Variants in ASAP2 observed in about 807,000 individuals in gnomAD.
The protein encoded by ASAP2 is ArfGAP with SH3 domain, ankyrin repeat and PH domain 2, also known as arf-GAP with SH3 domain, ANK repeat and PH domain-containing protein 2.
A neutral mutation model predicts 131.4 loss-of-function variants in ASAP2; 45 were observed. The observed-to-expected ratio is 0.34, with a 90% CI of 0.27 to 0.44. The LOEUF (loss-of-function observed/expected upper bound fraction) is 0.44, where lower values mean the gene tolerates loss of function less well. ASAP2 is among the 20% of genes least tolerant of loss of function. The pLI is 1.00. For missense variants in ASAP2, 1,011 were observed against 1,297.0 expected (o/e 0.78, Z 3.39); for synonymous variants, 510 against 503.0 (o/e 1.01, Z -0.19).
At position 9,337,712 on chromosome 2, in the gene ASAP2, G is replaced by T. The variant is rs758588055; in HGVS notation, c.849+2533G>T. Reference sequence around the variant, plus strand: ...GGTAGCTTCGTGCTGCTGTTTCCTTGTGACCCTGCAGCTTTGTTTTAGTGT... The same window carrying T: ...GGTAGCTTCGTGCTGCTGTTTCCTTTTGACCCTGCAGCTTTGTTTTAGTGT... On this transcript the variant is annotated intron_variant, in intron 9 of 27. Transcript: ENST00000281419. Among the ~76,000 whole-genome samples, 6 of 152,140 alleles carry T rather than the reference G, an allele frequency of 3.9e-5. 1 individual carries two copies. The highest frequency in any genetic ancestry group is 1.3e-4 in the Admixed American group (2 of 15,274).
chr2:9,323,069 G>A lies in ASAP2; in HGVS notation c.471-52G>A, dbSNP rs145985104. The A allele has an allele frequency of 5.0e-4, 813 of 1,610,220 alleles. 3 individuals carry two copies. In the African/African-American group the frequency reaches 7.6e-3, roughly 15 times the overall value. On this transcript the variant is annotated intron_variant, in intron 5 of 27. Transcript: ENST00000281419. ...ACTGGGGTGGCTTCAAGGCTGTCCC[G>A]TTGAGTTCTGTGCCAACAGGCATCT... is the stretch of plus-strand genomic sequence containing the variant.
chr2:9,245,287 G>C (rs1664259402), intron 1 of ASAP2, among the ~76,000 whole-genome samples: 1 of 152,196 alleles, frequency 6.6e-6, no homozygotes, highest in African/African-American at 2.4e-5. Context: ...GTCAGTGCCA[G>C]TGTGTTGCTG....
At chr2:9,344,478 T>C (rs1671817113) in intron 9 of ASAP2, 54 bp from the exon 10 acceptor site, 1 of 1,470,280 alleles carries the variant, frequency 6.8e-7, no homozygotes, top group Non-Finnish European at 9.4e-7. Context: ...GTACTGCTTT[T>C]CTAAAAATTA....
intron 15 of ASAP2, among the ~76,000 whole-genome samples, chr2:9,362,054 A>G (rs1290352983): frequency 6.6e-6 from 1 of 150,782 alleles, no homozygotes; most frequent in Non-Finnish European, 1.5e-5. Flanking sequence ...ACCATAAAGT[A>G]TTAGTTATCA....
chr2:9,241,593 C>T (rs1452763669), intron 1 of ASAP2, among the ~76,000 whole-genome samples: 2 of 152,064 alleles, frequency 1.3e-5, no homozygotes, highest in Non-Finnish European at 2.9e-5. Context: ...GGCATGGTGG[C>T]GCCGTGATCG....
intron 3 of ASAP2, among the ~76,000 whole-genome samples, chr2:9,317,262 C>T (rs1229657212): frequency 6.7e-6 from 1 of 150,190 alleles, no homozygotes; most frequent in African/African-American, 2.5e-5. Flanking sequence ...CCGTGCATCA[C>T]ACACACTCAT....
In ASAP2 at chr2:9,297,284, C is replaced by T. The variant is rs3811600; in HGVS notation, c.200-16C>T. 0.086 allele frequency: 138,714 copies of T among 1,610,810 alleles called. 6,344 individuals carry two copies. The highest frequency in any genetic ancestry group is 0.13 in the African/African-American group (9,369 of 74,888). ...GCATGCCTGAGACTCACAGCACCTC[C>T]GTCATTCTGTTGCAGCTCACGTGGA... On this transcript the variant is annotated splice_polypyrimidine_tract_variant and intron_variant, in intron 2 of 27. Coordinates refer to ENST00000281419, the MANE Select transcript of ASAP2 (RefSeq NM_003887.3).
At chr2:9,363,305 A>G (rs1673230553) in intron 15 of ASAP2, among the ~76,000 whole-genome samples, 1 of 152,200 alleles carries the variant, frequency 6.6e-6, no homozygotes, top group Admixed American at 6.5e-5. Context: ...CTTTTGGGTA[A>G]ATACCCAGAA....
At chr2:9,257,870 T>A (rs1464174967) in intron 1 of ASAP2, among the ~76,000 whole-genome samples, 1 of 152,232 alleles carries the variant, frequency 6.6e-6, no homozygotes, top group African/African-American at 2.4e-5. Flanking sequence ...GGTGGCATTT[T>A]GGTTTATCCT....
Position 9,326,444 on chromosome 2 carries a change from G to A in ASAP2, c.601-1382G>A, listed in dbSNP as rs144725775. On this transcript the variant is annotated intron_variant, in intron 6 of 27. Transcript: ENST00000281419. ...AGAAATTCAGTATGTCAAATAGGTA[G>A]TACAGACCTTCTGTGAGCGGAGAAG... Among the ~76,000 whole-genome samples, 13 of 150,756 alleles carry A rather than the reference G, an allele frequency of 8.6e-5. No homozygotes were observed. The East Asian group carries it at 2.5e-3, about 29-fold the overall frequency.
At chr2:9,328,531 C>T (rs770561532) in intron 7 of ASAP2, among the ~76,000 whole-genome samples, 5 of 152,092 alleles carry the variant, frequency 3.3e-5, no homozygotes, top group Admixed American at 6.6e-5. Flanking sequence ...AATAAGAAAA[C>T]ACTTTTATAT....
At chr2:9,400,697 T>A (rs1265969278) in intron 25 of ASAP2, 45 bp from the exon 26 acceptor site, 1 of 1,513,392 alleles carries the variant, frequency 6.6e-7, no homozygotes, top group Non-Finnish European at 9.2e-7. Flanking sequence ...ATCTCATGGC[T>A]GTGATTGATG....
At chr2:9,316,813 C>CCCCACT (rs1294912410) in intron 3 of ASAP2, among the ~76,000 whole-genome samples, 1 of 152,004 alleles carries the variant, frequency 6.6e-6, no homozygotes, top group Non-Finnish European at 1.5e-5. Context: ...CGGTGTGTGT[C>CCCCACT]CCCACTCTCC....
rs1266618519 is a variant in ASAP2 at position 9,389,594 on chromosome 2, G to A, written c.2383+1048G>A. On this transcript the variant is annotated intron_variant, in intron 22 of 27. Coordinates refer to ENST00000281419, the MANE Select transcript of ASAP2 (RefSeq NM_003887.3). The surrounding 1 kb of genome is among the most constrained non-coding windows in gnomAD (Gnocchi z 4.7). Reference sequence around the variant, plus strand: ...GCCCATCTTCCCTGCCGTCCTGGGTGTCTCACAGACCCTCACACGGCTCTG... The same window carrying A: ...GCCCATCTTCCCTGCCGTCCTGGGTATCTCACAGACCCTCACACGGCTCTG... Among the ~76,000 whole-genome samples, 1 of 152,156 alleles carries A rather than the reference G, an allele frequency of 6.6e-6. No individual in the cohort carries two copies. Among genetic ancestry groups the A allele is most frequent in the African/African-American group, 2.4e-5 (1 of 41,428 alleles).
intron 24 of ASAP2, 73 bp downstream of exon 24, chr2:9,393,720 AAT>A: frequency 1.4e-6 from 2 of 1,427,758 alleles, no homozygotes; most frequent in Non-Finnish European, 1.9e-6. Context: ...GCTCTGCAGG[AAT>A]GTTTGCAATC....
At chr2:9,317,776 TCACA>T (rs961816983) in intron 3 of ASAP2, among the ~76,000 whole-genome samples, 28 of 150,496 alleles carry the variant, frequency 1.9e-4, no homozygotes, top group African/African-American at 5.6e-4. Context: ...AATCACACCC[TCACA>T]CACCCATACA....
chr2:9,280,019 G>T (rs1326530687), intron 2 of ASAP2, among the ~76,000 whole-genome samples: 1 of 152,198 alleles, frequency 6.6e-6, no homozygotes, highest in Non-Finnish European at 1.5e-5. Flanking sequence ...TGACTATATA[G>T]TTTCATTCAG....
At chr2:9,342,845 C>T (rs1463621691) in intron 9 of ASAP2, among the ~76,000 whole-genome samples, 1 of 152,196 alleles carries the variant, frequency 6.6e-6, no homozygotes, top group Non-Finnish European at 1.5e-5. Context: ...GTGACCGTGA[C>T]CTCCCTGTGT....
Position 9,311,583 on chromosome 2 carries a change from A to T in ASAP2, c.346-6941A>T, listed in dbSNP as rs1237358198. On this transcript the variant is annotated intron_variant, in intron 3 of 27. Transcript: ENST00000281419. This position sits in a 1 kb window ranked among gnomAD's most constrained non-coding sequence, Gnocchi z 5.2. ...CCAGGGATAATGTAATTCTTCCCAT[A>T]GAGCATGAAAATGTCATTACTCATA... 6.6e-6 allele frequency among the ~76,000 whole-genome samples: 1 copy of T among 152,236 alleles called. No homozygotes were observed. The highest frequency in any genetic ancestry group is 1.9e-4 in the East Asian group (1 of 5,196).
Sources: allele counts gnomAD v4.1 joint callset (sites outside exome capture counted in the v4.1 genomes callset), GRCh38; gene constraint gnomAD v4.1.1; non-coding constraint Gnocchi (gnomAD v3.1); transcripts MANE v1.5; gene names NCBI Gene and HGNC (gene_info 2026-07-23, HGNC 2026-07-21).